The following RIF1 variants were observed in gnomAD, a reference collection of about 807,000 sequenced individuals.
RIF1 encodes the protein telomere-associated protein RIF1.
In RIF1, 45 loss-of-function variants were observed where a neutral mutation model predicts 247.1. The ratio of observed to expected loss-of-function variants is 0.18; its 90% CI spans 0.14 to 0.23. RIF1 has a LOEUF of 0.23. Ranked by LOEUF, RIF1 falls within the 10% of genes least tolerant of loss-of-function variation. The pLI, the probability that RIF1 is intolerant of heterozygous loss-of-function variation, is 1.00. For missense variants in RIF1, 2,967 were observed against 2,862.5 expected (o/e 1.04, Z -0.83); for synonymous variants, 1,087 against 978.8 (o/e 1.11, Z -2.06).
At chr2:151,441,296 T>C (rs2152378898) in intron 15 of RIF1, among the ~76,000 whole-genome samples, 1 of 152,322 alleles carries the variant, frequency 6.6e-6, no homozygotes, top group South Asian at 2.1e-4. Flanking sequence ...TTTAGCAATC[T>C]TAGACCCAAC....
At chr2:151,525,948 GATCACTTAC>G in the RIF1 span, 2 of 1,606,028 alleles carry the variant, frequency 1.2e-6, no homozygotes, top group Non-Finnish European at 1.7e-6. Flanking sequence ...ACCGGTGGTT[GATCACTTAC>G]ATCACTGACA....
chr2:151,442,949 T>G (rs1692619137), intron 16 of RIF1, among the ~76,000 whole-genome samples: 1 of 151,902 alleles, frequency 6.6e-6, no homozygotes, highest in Non-Finnish European at 1.5e-5. Flanking sequence ...TTTTTTTGTA[T>G]TTTTATTTAG....
At chr2:151,507,096 T>TA (rs1212569872) in intron 13 of RIF1, 4 of 848,096 alleles carry the variant, frequency 4.7e-6, no homozygotes, top group Non-Finnish European at 7.6e-6. Flanking sequence ...TGAAGAAAAT[T>TA]AAAATCCTGT....
chr2:151,422,091 A>G (rs1406378555), intron 7 of RIF1, among the ~76,000 whole-genome samples: 1 of 152,074 alleles, frequency 6.6e-6, no homozygotes, highest in East Asian at 1.9e-4. Flanking sequence ...CGGCCTCCCA[A>G]AGTGCTGAGA....
chr2:151,460,740 A>G (rs1395582785), intron 26 of RIF1, among the ~76,000 whole-genome samples: 1 of 152,228 alleles, frequency 6.6e-6, no homozygotes, highest in East Asian at 1.9e-4. Flanking sequence ...ATTTATTAAG[A>G]TAATATTGTA....
chr2:151,433,825 G>GT (rs987405333), intron 10 of RIF1, among the ~76,000 whole-genome samples: 3 of 151,946 alleles, frequency 2.0e-5, no homozygotes, highest in Admixed American at 2.0e-4. Context: ...TAAACAAAGG[G>GT]TTTTTTCCCC....
chr2:151,529,202 G>T, the RIF1 span: 5 of 1,591,982 alleles, frequency 3.1e-6, no homozygotes, highest in Non-Finnish European at 4.3e-6. Flanking sequence ...GAAGTTTCTG[G>T]AACTTACATT....
Position 151,476,872 on chromosome 2 carries a change from A to G in RIF1, c.*1801A>G, listed in dbSNP as rs2048953040. ...ATGTGTTTGGGGCAGAGGGGAGCAG[A>G]TTACTTTAACACACTTCAGAATTAA... is the stretch of plus-strand genomic sequence containing the variant. On this transcript the variant is annotated 3_prime_UTR_variant, in exon 36 of 36. Transcript: ENST00000444746. The G allele has an allele frequency of 6.6e-6, 1 of 152,212 alleles. No homozygotes were observed. The highest frequency in any genetic ancestry group is 1.5e-5 in the Non-Finnish European group (1 of 68,036). 9.4% of individuals were successfully genotyped at this position (152,212 alleles called of 1,614,324 possible). A position where few individuals can be genotyped will look rare whatever the true frequency, so the allele number is the denominator to read the frequency against.
At chr2:151,472,652 T>C (rs940000302) in intron 34 of RIF1, among the ~76,000 whole-genome samples, 2 of 152,236 alleles carry the variant, frequency 1.3e-5, no homozygotes, top group African/African-American at 4.8e-5. Context: ...TCTTTGGTTC[T>C]GTTTATATAC....
intron 11 of RIF1, among the ~76,000 whole-genome samples, chr2:151,501,933 G>A (rs1331112817): frequency 6.6e-6 from 1 of 152,038 alleles, no homozygotes; most frequent in East Asian, 1.9e-4. Context: ...TTTTCCAAAG[G>A]AAAAATTAAT....
At chr2:151,466,191 C>T in intron 30 of RIF1, 71 bp downstream of exon 30, 1 of 797,452 alleles carries the variant, frequency 1.3e-6, no homozygotes, top group East Asian at 2.5e-5. Context: ...ACAGTGACCT[C>T]TGGTGAATGA....
chr2:151,422,006 A>G (rs1167945228), intron 7 of RIF1, among the ~76,000 whole-genome samples: 1 of 151,030 alleles, frequency 6.6e-6, no homozygotes, highest in African/African-American at 2.4e-5. Flanking sequence ...CGATATTTGT[A>G]TTTTTAGTAG....
the RIF1 span, chr2:151,519,144 T>G: frequency 1.1e-6 from 1 of 903,230 alleles, no homozygotes; most frequent in Non-Finnish European, 1.8e-6. Context: ...CAAAGTGAGA[T>G]AGCCCATCGT....
At chr2:151,530,635 C>T in the RIF1 span, 1 of 186,724 alleles carries the variant, frequency 5.4e-6, no homozygotes, top group Non-Finnish European at 1.1e-5. Flanking sequence ...CACGTGGAGA[C>T]CCATCTGGGG....
At chr2:151,525,063 A>G in the RIF1 span, 1 of 895,154 alleles carries the variant, frequency 1.1e-6, no homozygotes, top group Non-Finnish European at 1.8e-6. Flanking sequence ...AAACTACCAC[A>G]GAGGAATTAG....
intron 8 of RIF1, chr2:151,423,682 A>G (rs551826714): frequency 2.0e-5 from 3 of 152,364 alleles, no homozygotes; most frequent in African/African-American, 7.2e-5. Flanking sequence ...GTATTTGCCA[A>G]TTTAGTGTTC....
chr2:151,438,255 G>A (rs1691613987), intron 13 of RIF1, among the ~76,000 whole-genome samples: 1 of 152,166 alleles, frequency 6.6e-6, no homozygotes, highest in Non-Finnish European at 1.5e-5. Context: ...TAAGGTGGGA[G>A]GTTCACTTGA....
At chr2:151,493,149 C>T (rs1559150076) in intron 9 of RIF1, 3 of 524,258 alleles carry the variant, frequency 5.7e-6, no homozygotes, top group African/African-American at 3.9e-5. Context: ...TGTAAAAGCA[C>T]AGTTAATGTC....
In RIF1 at chr2:151,465,395, C is replaced by T. The variant is rs1332599805; in HGVS notation, c.5875C>T (p.Leu1959=). 3 of 1,613,512 alleles carry T rather than the reference C, an allele frequency of 1.9e-6. No homozygotes were observed. The highest frequency in any genetic ancestry group is 2.2e-5 in the South Asian group (2 of 90,926). ...TGACTCTGAAGCAGACACAGCTAAACTGAATGCCAAAGAAGTAGCAACTGA... is the reference window on the plus strand; with the variant it reads ...TGACTCTGAAGCAGACACAGCTAAATTGAATGCCAAAGAAGTAGCAACTGA... ...NDDSEADTAK[L]NAKEVATEEF... Residue 1959 remains leucine, a synonymous_variant, in exon 30 of 36, where the codon CTG becomes TTG. Transcript: ENST00000444746.
Sources: allele counts gnomAD v4.1 joint callset (sites outside exome capture counted in the v4.1 genomes callset), GRCh38; gene constraint gnomAD v4.1.1; transcripts MANE v1.5; gene names NCBI Gene and HGNC (gene_info 2026-07-23, HGNC 2026-07-21).